Variants in CRBN observed in about 807,000 individuals in gnomAD.
CRBN encodes cereblon, also known as protein cereblon.
Under a neutral mutation model 62.2 loss-of-function variants are expected in CRBN, and 53 were observed. That is an observed-to-expected ratio of 0.85 (90% confidence interval 0.68 to 1.07). CRBN has a LOEUF of 1.07. Among genes scored for constraint, CRBN ranks in the 50% least tolerant of loss-of-function variants. CRBN has a pLI of 0.00. For missense variants in CRBN, 616 were observed against 531.1 expected, an observed-to-expected ratio of 1.16 and a Z score of -1.57; for synonymous variants, 208 against 176.1, an observed-to-expected ratio of 1.18 and a Z score of -1.43.
intron 5 of CRBN, among the ~76,000 whole-genome samples, chr3:3,163,288 C>CA (rs1707211093): frequency 1.3e-5 from 2 of 152,218 alleles, no homozygotes; most frequent in South Asian, 4.1e-4. Flanking sequence ...TAGGCCTTCT[C>CA]ATTCCTTAGC....
chr3:3,170,161 A>G (rs374849653), intron 4 of CRBN, among the ~76,000 whole-genome samples: 3 of 152,144 alleles, frequency 2.0e-5, no homozygotes, highest in African/African-American at 2.4e-5. Context: ...TTGTATTTTT[A>G]GTAGTGATGC....
Position 3,172,877 on chromosome 3 carries a change from A to G in CRBN, c.426T>C (p.Tyr142=), listed in dbSNP as rs1225506654. Residue 142 remains tyrosine (Y), a synonymous_variant, in exon 4 of 11, where the codon TAT becomes TAC. Coordinates refer to ENST00000231948, the MANE Select transcript of CRBN (RefSeq NM_016302.4). The part of the protein sequence containing the change: ...EAQFGTTAEI[Y]AYREEQDFGI... ...CAAAATCCTGTTCTTCTCGATAGGC[A>G]TATATCTCTGCTGTTGTTCCAAACT... 1.2e-6 allele frequency: 2 copies of G among 1,613,598 alleles called. No individual in the cohort carries two copies. The highest frequency in any genetic ancestry group is 1.7e-5 in the Admixed American group (1 of 60,012).
chr3:3,171,793 CA>C (rs971386185), intron 4 of CRBN, among the ~76,000 whole-genome samples: 1 of 152,104 alleles, frequency 6.6e-6, no homozygotes, highest in East Asian at 1.9e-4. Flanking sequence ...CCACCCCGCC[CA>C]AAAAAACCCC....
At chr3:3,154,457 G>C (rs992953275) in intron 7 of CRBN, 16 of 482,216 alleles carry the variant, frequency 3.3e-5, no homozygotes, top group Non-Finnish European at 5.6e-5. Flanking sequence ...AACAGGGAAA[G>C]GAGTCCTTAC....
intron 4 of CRBN, among the ~76,000 whole-genome samples, chr3:3,170,757 A>G (rs1266474732): frequency 6.6e-6 from 1 of 152,162 alleles, no homozygotes; most frequent in Non-Finnish European, 1.5e-5. Flanking sequence ...AGAATACTAG[A>G]GAGAATGTGC....
rs557860365 is a variant in CRBN at position 3,157,164 on chromosome 3, T to C, written c.688-883A>G. On this transcript the variant is annotated intron_variant, in intron 5 of 10. Transcript: ENST00000231948. ...GGTCTATAGGACACAAAAATATTAC[T>C]GAAGGGATGCACTGCAGCAGTGCTA... 2.6e-5 allele frequency among the ~76,000 whole-genome samples: 4 copies of C among 152,304 alleles called. No individual in the cohort carries two copies. In the East Asian group the frequency reaches 7.7e-4, roughly 29 times the overall value.
intron 4 of CRBN, among the ~76,000 whole-genome samples, chr3:3,169,150 C>G (rs996762075): frequency 1.3e-5 from 2 of 152,164 alleles, no homozygotes; most frequent in African/African-American, 4.8e-5. Context: ...CCCTGGCTTA[C>G]AGATCATGTT....
rs559726175 is a variant in CRBN, at chr3:3,169,795, T to G, written c.528-2002A>C. 2.0e-5 allele frequency among the ~76,000 whole-genome samples: 3 copies of G among 152,298 alleles called. No individual in the cohort carries two copies. The South Asian group carries it at 6.2e-4, about 32-fold the overall frequency. ...TCTCAGTCTAGACAGGTAAGAGATC[T>G]TCTCTTGTGATGCCAATAGGATATC... On this transcript the variant is annotated intron_variant, in intron 4 of 10. Coordinates refer to ENST00000231948, the MANE Select transcript of CRBN (RefSeq NM_016302.4).
At chr3:3,179,518 C>T in intron 1 of CRBN, 103 bp downstream of exon 1, 1 of 1,186,574 alleles carries the variant, frequency 8.4e-7, no homozygotes, top group Non-Finnish European at 1.2e-6. Context: ...GCTGGCTCGC[C>T]AGGCTTGGCG....
At chr3:3,151,067 T>C (rs200041061) in intron 10 of CRBN, 22 bp from the exon 11 acceptor site, 24 of 1,612,660 alleles carry the variant, frequency 1.5e-5, no homozygotes, top group South Asian at 7.7e-5. Context: ...AGGAAAGATA[T>C]CAGCTAAGGA....
Position 3,179,654 on chromosome 3 carries a change from G to A in CRBN, c.34C>T (p.His12Tyr), listed in dbSNP as rs797045482. The A allele has an allele frequency of 1.9e-6, 3 of 1,613,216 alleles. No homozygotes were observed. The highest frequency in any genetic ancestry group is 1.3e-5 in the African/African-American group (1 of 75,048). Reference sequence around the variant, plus strand: ...AGCGGCAGGTGGTTGCCCATGTTGTGCGCAGCGTCCTGCTGATCTCCTTCG... The same window carrying A: ...AGCGGCAGGTGGTTGCCCATGTTGTACGCAGCGTCCTGCTGATCTCCTTCG... Reference protein sequence around the residue: ...AGEGDQQDAAHNMGNHLPLLP... With the variant: ...AGEGDQQDAAYNMGNHLPLLP... Residue 12 changes from histidine to tyrosine, a missense_variant, in exon 1 of 11, where the codon CAC becomes TAC. His to Tyr is a moderately conservative substitution (Grantham distance 83, BLOSUM62 2). Transcript: ENST00000231948.
intron 6 of CRBN, chr3:3,155,839 C>T (rs1022332672): frequency 4.2e-5 from 8 of 188,632 alleles, no homozygotes; most frequent in African/African-American, 1.7e-4. Flanking sequence ...GACAGTCTTG[C>T]TCTGTTGTCC....
At chr3:3,178,990 T>C (rs1269843287) in intron 1 of CRBN, among the ~76,000 whole-genome samples, 1 of 152,136 alleles carries the variant, frequency 6.6e-6, no homozygotes, top group South Asian at 2.1e-4. Context: ...AGCATAATCG[T>C]ACATGCCTGA....
At chr3:3,172,444 AAAC>A (rs1319194504) in intron 4 of CRBN, 3 of 321,894 alleles carry the variant, frequency 9.3e-6, no homozygotes, top group Non-Finnish European at 1.8e-5. Context: ...GCCAAATCCC[AAAC>A]AACACTTCCC....
At chr3:3,164,594 G>C (rs996630323) in intron 5 of CRBN, among the ~76,000 whole-genome samples, 1 of 152,200 alleles carries the variant, frequency 6.6e-6, no homozygotes, top group Non-Finnish European at 1.5e-5. Context: ...ATGGAACAAA[G>C]TCCGGATGAC....
intron 1 of CRBN, among the ~76,000 whole-genome samples, chr3:3,176,600 G>A (rs1466587927): frequency 6.6e-6 from 1 of 152,200 alleles, no homozygotes; most frequent in African/African-American, 2.4e-5. Flanking sequence ...GCCGGGTGTG[G>A]TTGTAGGTGC....
At chr3:3,154,593 T>G in intron 7 of CRBN, 154 bp downstream of exon 7, 1 of 626,336 alleles carries the variant, frequency 1.6e-6, no homozygotes, top group Non-Finnish European at 2.8e-6. Context: ...ATACTCATTT[T>G]TTTTCAACTG....
At chr3:3,169,474 A>ATAG (rs35605726) in intron 4 of CRBN, among the ~76,000 whole-genome samples, 130,504 of 151,898 alleles carry the variant, frequency 0.86, 58,564 homozygotes, top group South Asian at 0.99. Context: ...GACTACTCTA[A>ATAG]TAGGAAAAAA....
chr3:3,175,264 T>G lies in CRBN; in HGVS notation c.73A>C (p.Ser25Arg). ...ACTTCCATTTCATCTTCTTCCTCAC[T>G]CTCTGCTATAAAAGTAGAATATTGT... ...GNHLPLLPAE[S>R]EEEDEMEVED... The change falls in exon 2 of 11, where the codon AGT (serine) becomes CGT (arginine). Residue 25 changes from serine (S) to arginine (R), a missense_variant. Coordinates refer to ENST00000231948, the MANE Select transcript of CRBN (RefSeq NM_016302.4). 6.3e-7 allele frequency: 1 copy of G among 1,593,182 alleles called. No individual in the cohort carries two copies. The highest frequency in any genetic ancestry group is 8.6e-7 in the Non-Finnish European group (1 of 1,161,556).
Sources: allele counts gnomAD v4.1 joint callset (sites outside exome capture counted in the v4.1 genomes callset), GRCh38; gene constraint gnomAD v4.1.1; transcripts MANE v1.5; gene names NCBI Gene and HGNC (gene_info 2026-07-23, HGNC 2026-07-21).